CLCN6: variants seen among roughly 807,000 people sequenced by gnomAD.
CLCN6 encodes H(+)/Cl(-) exchange transporter 6.
Under a neutral mutation model 109.8 loss-of-function variants are expected in CLCN6, and 70 were observed. The observed-to-expected ratio is 0.64, with a 90% CI of 0.53 to 0.78. The LOEUF is 0.78. CLCN6 is among the 30% of genes least tolerant of loss of function. The pLI is 0.00. For missense variants in CLCN6, 984 were observed against 1,142.3 expected (o/e 0.86, Z 2.00); for synonymous variants, 444 against 447.8 (o/e 0.99, Z 0.11).
intron 13 of CLCN6, 100 bp from the exon 14 acceptor site, chr1:11,833,415 A>G (rs1644903889): frequency 5.9e-6 from 7 of 1,180,646 alleles, no homozygotes; most frequent in Non-Finnish European, 8.6e-6. Flanking sequence ...TTGATGGGGA[A>G]AGCTGTGCAG....
intron 5 of CLCN6, 54 bp downstream of exon 5, chr1:11,819,608 T>A: frequency 1.3e-6 from 2 of 1,496,518 alleles, no homozygotes; most frequent in South Asian, 1.1e-5. Flanking sequence ...ACCAAGATTC[T>A]TTCTTACATA....
chr1:11,808,271 T>C (rs1644550760), intron 2 of CLCN6, among the ~76,000 whole-genome samples: 1 of 127,414 alleles, frequency 7.8e-6, no homozygotes, highest in African/African-American at 3.0e-5. Flanking sequence ...GTGTGTGTGT[T>C]TTAAAGTAAA....
At chr1:11,807,078 C>T (rs945862725) in intron 1 of CLCN6, 53 bp from the exon 2 acceptor site, 1 of 1,473,996 alleles carries the variant, frequency 6.8e-7, no homozygotes, top group South Asian at 1.1e-5. Context: ...ACTTCTGCCT[C>T]CTTCCACTCC....
At chr1:11,825,886 A>C (rs1644804886) in intron 8 of CLCN6, among the ~76,000 whole-genome samples, 1 of 152,198 alleles carries the variant, frequency 6.6e-6, no homozygotes, top group African/African-American at 2.4e-5. Flanking sequence ...TCGGCCTCCC[A>C]AAGTGGTGGG....
At chr1:11,835,934 C>A (rs1644938206) in intron 17 of CLCN6, 33 bp from the exon 18 acceptor site, 2 of 1,599,612 alleles carry the variant, frequency 1.3e-6, no homozygotes, top group South Asian at 2.2e-5. Context: ...CGGGCACTGT[C>A]ATGAGGCTGG....
In CLCN6 at chr1:11,823,828, C is replaced by G; in HGVS notation, c.575C>G (p.Ala192Gly). The change falls in exon 7 of 23, where the codon GCT (alanine) becomes GGT (glycine). Residue 192 changes from alanine (A) to glycine (G), a missense_variant. Coordinates refer to ENST00000346436, the MANE Select transcript of CLCN6 (RefSeq NM_001286.5). The part of the protein sequence containing the change: ...CKVLGVLFSV[A>G]GGLFVEKEGP... The stretch of plus-strand genomic sequence containing the variant: ...GTCCTTGGAGTGCTGTTCAGTGTGG[C>G]TGGAGGTAAGAAGGGTCCAACTTGT... 1.2e-6 allele frequency: 2 copies of G among 1,614,220 alleles called. No homozygotes were observed. Among genetic ancestry groups the G allele is most frequent in the Middle Eastern group, 1.6e-4 (1 of 6,062 alleles).
chr1:11,821,747 A>G (rs1231420322), intron 5 of CLCN6, among the ~76,000 whole-genome samples: 5 of 152,226 alleles, frequency 3.3e-5, no homozygotes, highest in Non-Finnish European at 7.3e-5. Context: ...AACCGTAGAC[A>G]TGTACAAAGG....
At chr1:11,806,671 C>T (rs941845875) in intron 1 of CLCN6, 28 of 387,820 alleles carry the variant, frequency 7.2e-5, no homozygotes, top group African/African-American at 5.0e-4. Flanking sequence ...GGACTTTGTG[C>T]TTATCATGCT....
At chr1:11,838,249 A>G in intron 20 of CLCN6, 86 bp from the exon 21 acceptor site, 1 of 1,193,482 alleles carries the variant, frequency 8.4e-7, no homozygotes, top group South Asian at 1.3e-5. Context: ...AGCTGGGCAT[A>G]TTCAGGCATC....
chr1:11,821,407 T>C (rs750123738), intron 5 of CLCN6, among the ~76,000 whole-genome samples: 68 of 152,092 alleles, frequency 4.5e-4, no homozygotes, highest in Middle Eastern at 3.4e-3. Context: ...AAAATACAAA[T>C]TGAGCTGAGT....
intron 5 of CLCN6, 127 bp downstream of exon 5, chr1:11,819,681 A>G (rs1052344641): frequency 6.6e-6 from 5 of 754,708 alleles, no homozygotes; most frequent in African/African-American, 1.8e-5. Flanking sequence ...CAGCTTTAAT[A>G]TTTCTAATGA....
chr1:11,809,193 T>C (rs140981567), intron 2 of CLCN6, among the ~76,000 whole-genome samples: 10 of 152,258 alleles, frequency 6.6e-5, no homozygotes, highest in African/African-American at 2.4e-4. Flanking sequence ...TGTTTTCTTG[T>C]ACATAGTTGA....
At chr1:11,806,870 T>A (rs1388073212) in intron 1 of CLCN6, 4 of 440,836 alleles carry the variant, frequency 9.1e-6, no homozygotes, top group Non-Finnish European at 1.6e-5. Context: ...CCTTTTCAGC[T>A]GGCGTTGGAC....
In CLCN6 at chr1:11,823,666, A is replaced by G. The variant is rs114361556; in HGVS notation, c.454-41A>G. ...TTGTTGAGGGTAAGCCAGAGAACCAATGGATTTCGAGTTATGGGTGTGCCT... is the reference window on the plus strand; with the variant it reads ...TTGTTGAGGGTAAGCCAGAGAACCAGTGGATTTCGAGTTATGGGTGTGCCT... On this transcript the variant is annotated intron_variant, in intron 6 of 22. Transcript: ENST00000346436. The G allele has an allele frequency of 4.9e-3, 7,914 of 1,613,622 alleles. 71 individuals are homozygous for G. The highest frequency in any genetic ancestry group is 0.032 in the African/African-American group (2,382 of 75,008).
intron 11 of CLCN6, 25 bp from the exon 12 acceptor site, chr1:11,828,433 C>G: frequency 6.2e-7 from 1 of 1,613,452 alleles, no homozygotes; most frequent in Non-Finnish European, 8.5e-7. Flanking sequence ...GTTTTTCTCT[C>G]CCTCTCCCTT....
At chr1:11,817,699 C>T (rs1644691158) in intron 4 of CLCN6, among the ~76,000 whole-genome samples, 1 of 152,158 alleles carries the variant, frequency 6.6e-6, no homozygotes, top group Non-Finnish European at 1.5e-5. Flanking sequence ...GCCTGTTGAC[C>T]ACCTTTATCT....
chr1:11,840,279 G>T lies in CLCN6; in HGVS notation c.*56G>T. ...TGGGGAGGCAAATCATGCTCACTCC[G>T]GCGGGCACAGCTGGCTGGGGCTGTT... On this transcript the variant is annotated 3_prime_UTR_variant, in exon 23 of 23. Coordinates refer to ENST00000346436, the MANE Select transcript of CLCN6 (RefSeq NM_001286.5). 1.4e-6 allele frequency: 2 copies of T among 1,448,974 alleles called. No homozygotes were observed. The highest frequency in any genetic ancestry group is 1.7e-4 in the Middle Eastern group (1 of 5,764). The allele number at this position is 1,448,974 out of a possible 1,614,324, so 89.8% of individuals were successfully genotyped here.
At chr1:11,819,656 C>A in intron 5 of CLCN6, 102 bp downstream of exon 5, 1 of 927,688 alleles carries the variant, frequency 1.1e-6, no homozygotes, top group Non-Finnish European at 1.7e-6. Flanking sequence ...TTAGAAGGGC[C>A]GCTTATTAGC....
Position 11,838,613 on chromosome 1 carries a change from A to C in CLCN6, c.2482A>C (p.Arg828=). Residue 828 remains arginine, a synonymous_variant, in exon 22 of 23, where the codon AGA becomes CGA. Coordinates refer to ENST00000346436, the MANE Select transcript of CLCN6 (RefSeq NM_001286.5). ...THVSQVFNLF[R]TMGLRHLPVV... is the part of the protein sequence containing the mutation. Reference sequence around the variant, plus strand: ...CGTCTCCCAAGTCTTCAACCTGTTCAGAACGATGGGCCTGCGCCACCTGCC... The same window carrying C: ...CGTCTCCCAAGTCTTCAACCTGTTCCGAACGATGGGCCTGCGCCACCTGCC... 6.2e-7 allele frequency: 1 copy of C among 1,614,242 alleles called. No homozygotes were observed. Among genetic ancestry groups the C allele is most frequent in the Non-Finnish European group, 8.5e-7 (1 of 1,180,044 alleles).
Sources: gnomAD v4.1 joint callset for allele counts (sites outside exome capture counted in the v4.1 genomes callset) on GRCh38, gnomAD v4.1.1 for gene constraint, MANE v1.5 for transcripts, NCBI Gene and HGNC (gene_info 2026-07-23, HGNC 2026-07-21) for gene names.